DUOX1: variants seen among roughly 807,000 people sequenced by gnomAD.
DUOX1 encodes NADPH thyroid oxidase 1.
Under a neutral mutation model 181.8 loss-of-function variants are expected in DUOX1, and 134 were observed. That is an observed-to-expected ratio of 0.74 (90% CI 0.64 to 0.85). DUOX1 has a LOEUF of 0.85. Ranked by LOEUF, DUOX1 falls within the 40% of genes least tolerant of loss-of-function variation. The probability of loss-of-function intolerance (pLI) is 0.00; values close to 1 mark genes in which losing one functional copy is unlikely to be tolerated. For synonymous variants in DUOX1, 798 were observed against 832.5 expected, an observed-to-expected ratio of 0.96 and a Z score of 0.71; for missense variants, 1,814 against 2,064.4, an observed-to-expected ratio of 0.88 and a Z score of 2.35.
chr15:45,139,119 C>G lies in DUOX1; in HGVS notation c.1167C>G (p.Ala389=). 6.2e-7 allele frequency: 1 copy of G among 1,614,184 alleles called. No individual in the cohort carries two copies. Among genetic ancestry groups the G allele is most frequent in the Non-Finnish European group, 8.5e-7 (1 of 1,180,024 alleles). ...TGGATGCACTGCTGCTGGGCATGGC[C>G]TCCCAGATCGCAGAGCGAGAGGACC... ...EDVDALLLGM[A]SQIAEREDHV... Residue 389 remains alanine, a synonymous_variant, in exon 11 of 34, where the codon GCC becomes GCG. Transcript: ENST00000389037.
At chr15:45,150,971 C>A (rs1442540409) in intron 22 of DUOX1, 152 bp from the exon 23 acceptor site, 4 of 1,146,662 alleles carry the variant, frequency 3.5e-6, no homozygotes, top group Non-Finnish European at 5.0e-6. Context: ...CAAGATCAGA[C>A]TCTGTCTATA....
intron 31 of DUOX1, 111 bp from the exon 32 acceptor site, chr15:45,163,421 G>T: frequency 6.7e-7 from 1 of 1,491,192 alleles, no homozygotes; most frequent in East Asian, 2.3e-5. Flanking sequence ...AGGCTGTCTA[G>T]GGAAGGGCAC....
At position 45,153,528 on chromosome 15, in the gene DUOX1, GTGTGTGTGTGTGTGTGTGTA is replaced by G. The variant is rs764914675; in HGVS notation, c.3524+51_3524+70del. 4,550 of 865,682 alleles carry G rather than the reference GTGTGTGTGTGTGTGTGTGTA, an allele frequency of 5.3e-3. 134 individuals are homozygous for G. The highest frequency in any genetic ancestry group is 0.045 in the East Asian group (645 of 14,480). 53.6% of individuals were successfully genotyped at this position (865,682 alleles called of 1,614,324 possible). A position where few individuals can be genotyped will look rare whatever the true frequency, so the allele number is the denominator to read the frequency against. On this transcript the variant is annotated intron_variant, in intron 26 of 33. Coordinates refer to ENST00000389037, the MANE Select transcript of DUOX1 (RefSeq NM_175940.3). ...TGTGTGTGTGTGTGTGTGTGTGTGT[GTGTGTGTGTGTGTGTGTGTA>G]TAATGGGGAGGATTCCTTTTGGGTG...
intron 13 of DUOX1, 36 bp from the exon 14 acceptor site, chr15:45,141,255 CT>C (rs1228395916): frequency 6.2e-7 from 1 of 1,610,706 alleles, no homozygotes; most frequent in Non-Finnish European, 8.5e-7. Context: ...CCTGCATCCC[CT>C]TCCCATCCCA....
At chr15:45,133,606 C>T (rs1229496407) in intron 2 of DUOX1, among the ~76,000 whole-genome samples, 1 of 152,210 alleles carries the variant, frequency 6.6e-6, no homozygotes, top group Admixed American at 6.5e-5. Flanking sequence ...GGCCGTCTGT[C>T]AGCACACTCT....
chr15:45,165,016 A>C lies in DUOX1; in HGVS notation c.*115A>C. ...AGCCTTCTCTGATTTCCCACCTCCC[A>C]ACCTTGTTCCAGGTGGCCATAGTCA... On this transcript the variant is annotated 3_prime_UTR_variant, in exon 34 of 34. Transcript: ENST00000389037. 1 of 1,252,572 alleles carries C rather than the reference A, an allele frequency of 8.0e-7. No individual in the cohort carries two copies. The highest frequency in any genetic ancestry group is 1.1e-6 in the Non-Finnish European group (1 of 882,968). The allele number at this position is 1,252,572 out of a possible 1,614,324, so 77.6% of individuals were successfully genotyped here. A position where few individuals can be genotyped will look rare whatever the true frequency, so the allele number is the denominator to read the frequency against.
rs199705354 is a variant in DUOX1, at chr15:45,138,019, G to A, written c.1113+5G>A. 3.5e-5 allele frequency: 56 copies of A among 1,603,060 alleles called. No individual in the cohort carries two copies. In the East Asian group the frequency reaches 4.1e-4, roughly 12 times the overall value. ...AACAGCTACTGGAGCCGTGAGGTCC[G>A]AGCTGGGGGCCACATATGTGGTGGA... On this transcript the variant is annotated splice_donor_5th_base_variant and intron_variant, in intron 10 of 33. Coordinates refer to ENST00000389037, the MANE Select transcript of DUOX1 (RefSeq NM_175940.3).
intron 28 of DUOX1, among the ~76,000 whole-genome samples, chr15:45,159,421 G>T (rs1032756369): frequency 1.3e-5 from 2 of 152,216 alleles, no homozygotes; most frequent in Non-Finnish European, 2.9e-5. Flanking sequence ...GAAGGAGGTG[G>T]TCACTAGTGC....
chr15:45,138,050 G>A, intron 10 of DUOX1, 36 bp downstream of exon 10: 1 of 1,501,474 alleles, frequency 6.7e-7, no homozygotes, highest in Non-Finnish European at 9.2e-7. Context: ...GTGGATGTGT[G>A]TGTGTGCATG....
intron 18 of DUOX1, among the ~76,000 whole-genome samples, chr15:45,146,450 C>T (rs1359422328): frequency 6.6e-6 from 1 of 152,164 alleles, no homozygotes; most frequent in Non-Finnish European, 1.5e-5. Flanking sequence ...ATGGGAACTC[C>T]CTGTGCTGAG....
rs747131677 is a variant in DUOX1, at chr15:45,135,597, C to G, written c.619C>G (p.Arg207Gly). ...LASGPDPAFP[R>G]DSQNPLLMWA... Reference sequence around the variant, plus strand: ...GTCGGGGCCCGACCCCGCTTTTCCCCGAGACTCGCAGAACCCCCTGCTCAT... The same window carrying G: ...GTCGGGGCCCGACCCCGCTTTTCCCGGAGACTCGCAGAACCCCCTGCTCAT... The change falls in exon 6 of 34, where the codon CGA becomes GGA. Residue 207 changes from arginine (R) to glycine (G), a missense_variant. By Grantham distance (125) the Arg-to-Gly change is moderately radical (BLOSUM62 -2). Transcript: ENST00000389037. The G allele has an allele frequency of 2.6e-6, 4 of 1,564,350 alleles. No homozygotes were observed. The highest frequency in any genetic ancestry group is 3.5e-6 in the Non-Finnish European group (4 of 1,155,808).
chr15:45,158,197 C>T (rs562346279), intron 28 of DUOX1, among the ~76,000 whole-genome samples: 18 of 152,270 alleles, frequency 1.2e-4, no homozygotes, highest in African/African-American at 3.1e-4. Flanking sequence ...AGCAGCATGA[C>T]GTCACCCTGC....
intron 28 of DUOX1, among the ~76,000 whole-genome samples, chr15:45,160,353 A>G (rs556024451): frequency 2.6e-5 from 4 of 152,262 alleles, no homozygotes; most frequent in African/African-American, 9.6e-5. Context: ...CTTAAGCAGA[A>G]AGGACTGGCC....
chr15:45,131,721 A>G, intron 1 of DUOX1, 197 bp from the exon 2 acceptor site: 1 of 554,116 alleles, frequency 1.8e-6, no homozygotes, highest in Non-Finnish European at 3.2e-6. Context: ...TGTCTATGTC[A>G]GTGGCTGGTA....
chr15:45,155,320 T>C, intron 27 of DUOX1: 1 of 154,462 alleles, frequency 6.5e-6, no homozygotes, highest in Non-Finnish European at 1.4e-5. Flanking sequence ...TTCCCAGCAC[T>C]TTGGGAGGCC....
At chr15:45,138,060 GCTTATGTGTGTGTGTGTA>G in intron 10 of DUOX1, 46 bp downstream of exon 10, 1 of 1,389,932 alleles carries the variant, frequency 7.2e-7, no homozygotes, top group Non-Finnish European at 1.0e-6. Flanking sequence ...GTGTGTGCAT[GCTTATGTGTGTGTGTGTA>G]TGTGTGTGTG....
chr15:45,136,725 A>G (rs1441499221), intron 9 of DUOX1, 100 bp downstream of exon 9: 1 of 1,070,198 alleles, frequency 9.3e-7, no homozygotes, highest in Non-Finnish European at 1.4e-6. Flanking sequence ...TATCAGTCTG[A>G]AGTGTCCCCA....
In DUOX1 at chr15:45,136,622, TGA is replaced by T. The variant is rs1567009068; in HGVS notation, c.1021_1022del (p.Arg341LysfsTer30). The T allele has an allele frequency of 6.2e-7, 1 of 1,613,838 alleles. No homozygotes were observed. The highest frequency in any genetic ancestry group is 8.5e-7 in the Non-Finnish European group (1 of 1,179,930). ...ACCATGGTGCCCCCTGGCGTCTACATGAGGTGAGGGAGGGGCTCAAAGGTGTG... is the reference window on the plus strand; with the variant it reads ...ACCATGGTGCCCCCTGGCGTCTACATGGTGAGGGAGGGGCTCAAAGGTGTG... On this transcript the variant is annotated frameshift_variant and splice_region_variant, in exon 9 of 34. Transcript: ENST00000389037. LOFTEE classifies it high-confidence loss of function.
rs1231374007 is a variant in DUOX1 at position 45,163,635 on chromosome 15, A to G, written c.4352A>G (p.His1451Arg). 6.2e-7 allele frequency: 1 copy of G among 1,614,074 alleles called. No individual in the cohort carries two copies. Among genetic ancestry groups the G allele is most frequent in the South Asian group, 1.1e-5 (1 of 91,068 alleles). ...ENDHQDLVSV[H>R]IYITQLAEKF... Reference sequence around the variant, plus strand: ...GACCACCAGGACCTGGTGTCTGTGCACATCTACATCACCCAGCTGGCTGAG... The same window carrying G: ...GACCACCAGGACCTGGTGTCTGTGCGCATCTACATCACCCAGCTGGCTGAG... Residue 1451 changes from histidine (H) to arginine (R), a missense_variant, in exon 32 of 34, where the codon CAC becomes CGC. This residue lies in a region of DUOX1 where 279 missense variants were observed against 381.9 expected (regional missense o/e 0.73). Transcript: ENST00000389037.
Sources: gnomAD v4.1 joint callset for allele counts (sites outside exome capture counted in the v4.1 genomes callset) on GRCh38, gnomAD v4.1.1 for gene constraint, gnomAD v4.1.1 regional missense constraint, MANE v1.5 for transcripts, NCBI Gene and HGNC (gene_info 2026-07-23, HGNC 2026-07-21) for gene names.